Variants in CTNNA3 observed in about 807,000 individuals in gnomAD.
CTNNA3 encodes catenin alpha 3, also known as catenin alpha-3.
A neutral mutation model predicts 95.7 loss-of-function variants in CTNNA3; 76 were observed. The ratio of observed to expected loss-of-function variants is 0.79; its 90% CI spans 0.66 to 0.96. The LOEUF is 0.96. Ranked by LOEUF, CTNNA3 falls within the 40% of genes least tolerant of loss-of-function variation. CTNNA3 has a pLI of 0.00. For synonymous variants in CTNNA3, 431 were observed against 374.4 expected, an observed-to-expected ratio of 1.15 and a Z score of -1.74; for missense variants, 1,191 against 1,089.8, an observed-to-expected ratio of 1.09 and a Z score of -1.31.
At chr10:66,588,266 G>A (rs1843428471) in intron 10 of CTNNA3, among the ~76,000 whole-genome samples, 1 of 151,696 alleles carries the variant, frequency 6.6e-6, no homozygotes, top group Non-Finnish European at 1.5e-5. Flanking sequence ...ACACTCTGGA[G>A]ACTCACAGTT....
chr10:66,357,381 C>A (rs1344731170), intron 12 of CTNNA3, among the ~76,000 whole-genome samples: 1 of 151,984 alleles, frequency 6.6e-6, no homozygotes, highest in East Asian at 1.9e-4. Flanking sequence ...TTAAAGTGTA[C>A]AATTCAGTGC....
At chr10:67,223,293 G>A (rs141279988) in intron 5 of CTNNA3, among the ~76,000 whole-genome samples, 1 of 152,354 alleles carries the variant, frequency 6.6e-6, no homozygotes, top group East Asian at 1.9e-4. Context: ...TGTTGTGGTA[G>A]TGGTGTTTGT....
chr10:66,558,984 T>C (rs1842471751), intron 10 of CTNNA3, among the ~76,000 whole-genome samples: 1 of 152,126 alleles, frequency 6.6e-6, no homozygotes, highest in Non-Finnish European at 1.5e-5. Flanking sequence ...TCTTCACATC[T>C]GTTCCATAAA....
At chr10:67,281,542 T>C (rs1053141833) in intron 5 of CTNNA3, among the ~76,000 whole-genome samples, 3 of 152,196 alleles carry the variant, frequency 2.0e-5, no homozygotes, top group Non-Finnish European at 4.4e-5. Context: ...AATTTTTTTC[T>C]AATATATATG....
intron 7 of CTNNA3, among the ~76,000 whole-genome samples, chr10:66,886,808 T>TA (rs1357445830): frequency 6.6e-6 from 1 of 152,196 alleles, no homozygotes. Context: ...TGTCCTGAGA[T>TA]ACACCATTTT....
chr10:66,428,089 C>G (rs1367319670), intron 11 of CTNNA3, among the ~76,000 whole-genome samples: 1 of 151,990 alleles, frequency 6.6e-6, no homozygotes, highest in Non-Finnish European at 1.5e-5. Flanking sequence ...CAAAAAAAGG[C>G]AGGGGTTGCA....
intron 10 of CTNNA3, among the ~76,000 whole-genome samples, chr10:66,603,085 T>C (rs1404618979): frequency 6.6e-6 from 1 of 152,088 alleles, no homozygotes; most frequent in African/African-American, 2.4e-5. Context: ...CTGGAAGTTC[T>C]AGTCACGGCA....
At position 67,005,694 on chromosome 10, in the gene CTNNA3, T is replaced by TG. The variant is rs1296081719; in HGVS notation, c.1047+174622_1047+174623insC. Among the ~76,000 whole-genome samples, 5 of 125,818 alleles carry TG rather than the reference T, an allele frequency of 4.0e-5. 1 individual carries two copies. The highest frequency in any genetic ancestry group is 1.4e-4 in the African/African-American group (5 of 36,462). The allele number at this position is 125,818 out of a possible 152,430, so 82.5% of individuals were successfully genotyped here. A position where few individuals can be genotyped will look rare whatever the true frequency, so the allele number is the denominator to read the frequency against. ...TATTTTACTCCATCTTTTTTTTTTT[T>TG]TTTTTTTTTGAGACGGAGTCTTGAG... On this transcript the variant is annotated intron_variant, in intron 7 of 17. Transcript: ENST00000433211.
In CTNNA3 at chr10:66,733,733, A is replaced by AT. The variant is rs377629716; in HGVS notation, c.1281+32530dup. On this transcript the variant is annotated intron_variant, in intron 9 of 17. Transcript: ENST00000433211. ...ATTACATGCCTAAGATTTTCTCTGT[A>AT]TTTGTAACTAAAGTATGGTGATTTG... 3.5e-3 allele frequency among the ~76,000 whole-genome samples: 537 copies of AT among 151,802 alleles called. 2 individuals carry two copies. Among genetic ancestry groups the AT allele is most frequent in the African/African-American group, 0.012 (513 of 41,550 alleles).
intron 7 of CTNNA3, among the ~76,000 whole-genome samples, chr10:66,778,914 T>G (rs1228612523): frequency 6.6e-6 from 1 of 151,968 alleles, no homozygotes; most frequent in Non-Finnish European, 1.5e-5. Flanking sequence ...AGGCGGAAGT[T>G]GCAGTGAGCC....
chr10:65,996,275 T>C (rs1308270323), intron 15 of CTNNA3, among the ~76,000 whole-genome samples: 6 of 152,082 alleles, frequency 3.9e-5, no homozygotes, highest in Non-Finnish European at 5.9e-5. Flanking sequence ...CAGGCAAGTT[T>C]CAAGTTCTGG....
intron 5 of CTNNA3, among the ~76,000 whole-genome samples, chr10:67,372,156 A>C (rs1245126122): frequency 6.6e-6 from 1 of 151,028 alleles, no homozygotes; most frequent in Non-Finnish European, 1.5e-5. Context: ...GATTGCAAAA[A>C]TTTTCTCCCA....
chr10:66,148,406 T>C (rs2084010243), intron 13 of CTNNA3, among the ~76,000 whole-genome samples: 1 of 152,072 alleles, frequency 6.6e-6, no homozygotes, highest in African/African-American at 2.4e-5. Flanking sequence ...AAAATTCATG[T>C]TGAAATCTAA....
At chr10:66,756,622 T>C (rs895361206) in intron 9 of CTNNA3, among the ~76,000 whole-genome samples, 2 of 152,036 alleles carry the variant, frequency 1.3e-5, no homozygotes, top group Non-Finnish European at 2.9e-5. Context: ...TACCCTAACA[T>C]TGCTTGCAAG....
intron 7 of CTNNA3, among the ~76,000 whole-genome samples, chr10:66,857,606 A>G (rs1043936826): frequency 1.3e-5 from 2 of 151,760 alleles, no homozygotes; most frequent in Non-Finnish European, 2.9e-5. Context: ...TTTAATTCTT[A>G]TTGTAGATAT....
intron 13 of CTNNA3, among the ~76,000 whole-genome samples, chr10:66,256,235 T>G (rs1353188083): frequency 1.3e-5 from 2 of 152,148 alleles, no homozygotes; most frequent in African/African-American, 2.4e-5. Context: ...CTGGACACTA[T>G]GCAAAAATAT....
intron 7 of CTNNA3, among the ~76,000 whole-genome samples, chr10:66,888,129 A>G (rs1034097511): frequency 1.3e-5 from 2 of 152,162 alleles, no homozygotes; most frequent in African/African-American, 4.8e-5. Flanking sequence ...GAGTGGTCAG[A>G]GAGGCAACAG....
intron 11 of CTNNA3, among the ~76,000 whole-genome samples, chr10:66,429,552 C>A (rs1423696403): frequency 1.3e-5 from 2 of 152,286 alleles, no homozygotes; most frequent in African/African-American, 4.8e-5. Context: ...AGCTTATCCA[C>A]CACGATCAAG....
chr10:67,633,812 G>A (rs938665862), intron 2 of CTNNA3, among the ~76,000 whole-genome samples: 1 of 152,118 alleles, frequency 6.6e-6, no homozygotes, highest in Non-Finnish European at 1.5e-5. Context: ...CAAAACCTCT[G>A]AGAACTACAG....
Sources: allele counts gnomAD v4.1 joint callset (sites outside exome capture counted in the v4.1 genomes callset), GRCh38; gene constraint gnomAD v4.1.1; transcripts MANE v1.5; gene names NCBI Gene and HGNC (gene_info 2026-07-23, HGNC 2026-07-21).